Variants in GALNT18 observed in about 807,000 individuals in gnomAD.
The protein encoded by GALNT18 is GalNAc-transferase 18.
GALNT18 carries 44 observed loss-of-function variants against 69.5 expected under a neutral mutation model. The ratio of observed to expected loss-of-function variants is 0.63; its 90% CI spans 0.50 to 0.81. GALNT18 has a LOEUF of 0.81. GALNT18 is among the 40% of genes least tolerant of loss of function. The probability of loss-of-function intolerance (pLI) is 0.00; values close to 1 mark genes in which losing one functional copy is unlikely to be tolerated. For synonymous variants in GALNT18, 364 were observed against 318.2 expected, an observed-to-expected ratio of 1.14 and a Z score of -1.53; for missense variants, 715 against 810.0, an observed-to-expected ratio of 0.88 and a Z score of 1.42.
rs11822602 is a variant in GALNT18 at position 11,280,927 on chromosome 11, A to G, written c.1678-9637T>C. ...GCATCCCCTGTGCCAGTTGCTCCAA[A>G]CAAGGCCAGACCATTGCTCCATGGC... On this transcript the variant is annotated intron_variant, in intron 10 of 10. Coordinates refer to ENST00000227756, the MANE Select transcript of GALNT18 (RefSeq NM_198516.3). Among the ~76,000 whole-genome samples, 1,062 of 152,252 alleles carry G rather than the reference A, an allele frequency of 7.0e-3. 15 individuals carry two copies. The highest frequency in any genetic ancestry group is 0.021 in the African/African-American group (884 of 41,540).
chr11:11,572,037 G>A (rs1280830493), intron 1 of GALNT18, among the ~76,000 whole-genome samples: 4 of 152,246 alleles, frequency 2.6e-5, no homozygotes, highest in African/African-American at 7.2e-5. Context: ...CCCCACTGAA[G>A]AGCATGATTC....
rs186453859 is a variant in GALNT18 at position 11,437,036 on chromosome 11, C to T, written c.429-4249G>A. 5.3e-5 allele frequency among the ~76,000 whole-genome samples: 8 copies of T among 152,266 alleles called. No homozygotes were observed. The Middle Eastern group carries it at 0.01, about 194-fold the overall frequency. On this transcript the variant is annotated intron_variant, in intron 2 of 10. Transcript: ENST00000227756. ...CCCACACACTCTGCTCCAGTCCTGC[C>T]GCAGCCGGGACCCTGCCTACTCGCC...
intron 3 of GALNT18, among the ~76,000 whole-genome samples, chr11:11,419,596 C>CAAAAAAAAAAAAAAAAAAAA: frequency 3.8e-5 from 1 of 26,618 alleles, no homozygotes; most frequent in Non-Finnish European, 8.9e-5. Context: ...GATCCTGTCT[C>CAAAAAAAAAAAAAAAAAAAA]AAAAAAAAAA....
chr11:11,372,960 C>T lies in GALNT18; in HGVS notation c.978-331G>A, dbSNP rs1850947698. Among the ~76,000 whole-genome samples, 3 of 151,968 alleles carry T rather than the reference C, an allele frequency of 2.0e-5. No homozygotes were observed. On this transcript the variant is annotated intron_variant, in intron 5 of 10. Coordinates refer to ENST00000227756, the MANE Select transcript of GALNT18 (RefSeq NM_198516.3). This position sits in a 1 kb window ranked among gnomAD's most constrained non-coding sequence, Gnocchi z 4.9. ...CGCTGCCCTGACCCTGACCTCTGCACAGCCAGTCTCTGTTCCTGCTTGGGA... is the reference window on the plus strand; with the variant it reads ...CGCTGCCCTGACCCTGACCTCTGCATAGCCAGTCTCTGTTCCTGCTTGGGA...
chr11:11,448,782 C>A lies in GALNT18; in HGVS notation c.390G>T (p.Leu130=). 6.2e-7 allele frequency: 1 copy of A among 1,612,878 alleles called. No homozygotes were observed. The highest frequency in any genetic ancestry group is 2.2e-5 in the East Asian group (1 of 44,874). The part of the protein sequence containing the change: ...YGYNAYLSDR[L]PLDRPLPDLR... ...GGTCAGGCAGGGGCCGGTCCAGGGG[C>A]AGGCGGTCGCTGAGGTAGGCGTTGT... Residue 130 remains leucine (L), a synonymous_variant, in exon 2 of 11, where the codon CTG becomes CTT. Coordinates refer to ENST00000227756, the MANE Select transcript of GALNT18 (RefSeq NM_198516.3).
rs966906154 is a variant in GALNT18 at position 11,497,562 on chromosome 11, A to T, written c.236-48626T>A. Among the ~76,000 whole-genome samples, 1 of 152,172 alleles carries T rather than the reference A, an allele frequency of 6.6e-6. No individual in the cohort carries two copies. The highest frequency in any genetic ancestry group is 2.4e-5 in the African/African-American group (1 of 41,424). On this transcript the variant is annotated intron_variant, in intron 1 of 10. Coordinates refer to ENST00000227756, the MANE Select transcript of GALNT18 (RefSeq NM_198516.3). This position sits in a 1 kb window ranked among gnomAD's most constrained non-coding sequence, Gnocchi z 4.2. ...ACTCCAAAAGGTTCTCGTATGAATG[A>T]AATGAGATTATTATCTATAAAGAAT... is the stretch of plus-strand genomic sequence containing the variant.
chr11:11,594,981 A>G (rs1002466767), intron 1 of GALNT18, among the ~76,000 whole-genome samples: 61 of 147,142 alleles, frequency 4.1e-4, no homozygotes, highest in African/African-American at 1.3e-3. Flanking sequence ...AAATATACAT[A>G]TGTGTGTGTG....
In GALNT18 at chr11:11,444,539, G is replaced by A. The variant is rs950319011; in HGVS notation, c.428+4205C>T. ...AATAAACGAGGCCTAGCAACTGGCT[G>A]GACCGATGTTTTTCCTTCTAGTTGT... On this transcript the variant is annotated intron_variant, in intron 2 of 10. Coordinates refer to ENST00000227756, the MANE Select transcript of GALNT18 (RefSeq NM_198516.3). The surrounding 1 kb of genome is among the most constrained non-coding windows in gnomAD (Gnocchi z 4.4). Among the ~76,000 whole-genome samples the A allele has an allele frequency of 2.0e-5, 3 of 152,176 alleles. No individual in the cohort carries two copies. Among genetic ancestry groups the A allele is most frequent in the African/African-American group, 7.2e-5 (3 of 41,442 alleles).
At position 11,309,555 on chromosome 11, in the gene GALNT18, C is replaced by T. The variant is rs1197399923; in HGVS notation, c.1513-16362G>A. On this transcript the variant is annotated intron_variant, in intron 9 of 10. Transcript: ENST00000227756. This position sits in a 1 kb window ranked among gnomAD's most constrained non-coding sequence, Gnocchi z 4.6. ...TCTGCCTTTTACACCCTGTAAACCC[C>T]ACCTCTATAGCCTTGTTCACCTTCT... Among the ~76,000 whole-genome samples the T allele has an allele frequency of 6.6e-6, 1 of 152,104 alleles. No individual in the cohort carries two copies. The highest frequency in any genetic ancestry group is 6.5e-5 in the Admixed American group (1 of 15,276).
intron 1 of GALNT18, among the ~76,000 whole-genome samples, chr11:11,503,437 C>T (rs1857011118): frequency 6.6e-6 from 1 of 152,158 alleles, no homozygotes; most frequent in African/African-American, 2.4e-5. Context: ...TAATCAGGTG[C>T]CCACCTCCAC....
In GALNT18 at chr11:11,590,185, G is replaced by C. The variant is rs1218263535; in HGVS notation, c.235+31174C>G. Among the ~76,000 whole-genome samples, 1 of 152,242 alleles carries C rather than the reference G, an allele frequency of 6.6e-6. No homozygotes were observed. Among genetic ancestry groups the C allele is most frequent in the Non-Finnish European group, 1.5e-5 (1 of 68,036 alleles). On this transcript the variant is annotated intron_variant, in intron 1 of 10. Coordinates refer to ENST00000227756, the MANE Select transcript of GALNT18 (RefSeq NM_198516.3). The surrounding 1 kb of genome is among the most constrained non-coding windows in gnomAD (Gnocchi z 4.4). ...CCAGCTTCCCTTGCAGTCAGCGGCT[G>C]CTACATGGCTGATTCTGTGAATAAA...
intron 1 of GALNT18, among the ~76,000 whole-genome samples, chr11:11,532,308 A>G (rs1590077563): frequency 6.6e-6 from 1 of 152,304 alleles, no homozygotes; most frequent in East Asian, 1.9e-4. Context: ...TCTCCATTCT[A>G]AAAACCAAGT....
intron 6 of GALNT18, among the ~76,000 whole-genome samples, chr11:11,370,154 A>C (rs1440383781): frequency 6.6e-6 from 1 of 152,212 alleles, no homozygotes; most frequent in Non-Finnish European, 1.5e-5. Context: ...AGTAAAACCC[A>C]TGGCACAAAG....
Position 11,332,821 on chromosome 11 carries a change from A to G in GALNT18, c.1289T>C (p.Ile430Thr). 3 of 1,613,444 alleles carry G rather than the reference A, an allele frequency of 1.9e-6. No homozygotes were observed. In the Admixed American group the frequency reaches 5.0e-5, roughly 27 times the overall value. ...AWNIPQEDSG[I>T]DIGDITARKA... ...CCTTGCAGTGATGTCCCCAATGTCA[A>G]TTCCTGAGTCCTGCACAGGGACGCA... The change falls in exon 8 of 11, where the codon ATT becomes ACT. Residue 430 changes from isoleucine to threonine, a missense_variant. Coordinates refer to ENST00000227756, the MANE Select transcript of GALNT18 (RefSeq NM_198516.3). This position sits in a 1 kb window ranked among gnomAD's most constrained non-coding sequence, Gnocchi z 4.3.
rs1859163893 is a variant in GALNT18, at chr11:11,584,327, A to C, written c.235+37032T>G. Among the ~76,000 whole-genome samples the C allele has an allele frequency of 6.6e-6, 1 of 152,206 alleles. No homozygotes were observed. ...AATAAATAAATAACACCTTGCAAACACAAGGGGACAGTTTGTATTTTAAAG... is the reference window on the plus strand; with the variant it reads ...AATAAATAAATAACACCTTGCAAACCCAAGGGGACAGTTTGTATTTTAAAG... On this transcript the variant is annotated intron_variant, in intron 1 of 10. Coordinates refer to ENST00000227756, the MANE Select transcript of GALNT18 (RefSeq NM_198516.3). This position sits in a 1 kb window ranked among gnomAD's most constrained non-coding sequence, Gnocchi z 4.1.
At chr11:11,558,522 C>A (rs1259679189) in intron 1 of GALNT18, among the ~76,000 whole-genome samples, 1 of 152,242 alleles carries the variant, frequency 6.6e-6, no homozygotes, top group African/African-American at 2.4e-5. Context: ...GTGCCCAAGG[C>A]CTGAGGCAAG....
intron 3 of GALNT18, among the ~76,000 whole-genome samples, chr11:11,425,321 C>A (rs1855102857): frequency 6.6e-6 from 1 of 152,218 alleles, no homozygotes; most frequent in South Asian, 2.1e-4. Context: ...CCTTCAAGCA[C>A]ATGAAGGGCT....
chr11:11,286,533 G>A (rs1849198581), intron 10 of GALNT18, among the ~76,000 whole-genome samples: 4 of 152,134 alleles, frequency 2.6e-5, no homozygotes, highest in Admixed American at 2.6e-4. Flanking sequence ...TCCGAGGACG[G>A]TCATTGAGGT....
intron 1 of GALNT18, among the ~76,000 whole-genome samples, chr11:11,561,749 T>A (rs1356019265): frequency 6.6e-6 from 1 of 152,184 alleles, no homozygotes; most frequent in Non-Finnish European, 1.5e-5. Context: ...CCAGAAATCC[T>A]GGGTTCCCAA....
Sources: allele counts gnomAD v4.1 joint callset (sites outside exome capture counted in the v4.1 genomes callset), GRCh38; gene constraint gnomAD v4.1.1; non-coding constraint Gnocchi (gnomAD v3.1); transcripts MANE v1.5; gene names NCBI Gene and HGNC (gene_info 2026-07-23, HGNC 2026-07-21).